Variants in SEMA3A observed in about 807,000 individuals in gnomAD.
The protein encoded by SEMA3A is semaphorin 3A, also known as semaphorin-3A.
SEMA3A carries 29 observed loss-of-function variants against 97.9 expected under a neutral mutation model. The observed-to-expected ratio is 0.30, with a 90% CI of 0.22 to 0.40. The LOEUF is 0.40. Ranked by LOEUF, SEMA3A falls within the 10% of genes least tolerant of loss-of-function variation. The pLI is 1.00. For synonymous variants in SEMA3A, 321 were observed against 323.7 expected (o/e 0.99, Z 0.09); for missense variants, 763 against 951.3 (o/e 0.80, Z 2.60).
In SEMA3A at chr7:84,111,702, G is replaced by A. The variant is rs116675873; in HGVS notation, c.334-1113C>T. On this transcript the variant is annotated intron_variant, in intron 3 of 16. Transcript: ENST00000265362. ...CTCATGCTTTCCTAACATATGCTGAGTACTTTGGGGGTAACTAAAATAAAC... is the reference window on the plus strand; with the variant it reads ...CTCATGCTTTCCTAACATATGCTGAATACTTTGGGGGTAACTAAAATAAAC... Among the ~76,000 whole-genome samples the A allele has an allele frequency of 8.2e-3, 1,243 of 152,206 alleles. 9 individuals are homozygous for A. The highest frequency in any genetic ancestry group is 0.027 in the Middle Eastern group (8 of 294).
intron 1 of SEMA3A, among the ~76,000 whole-genome samples, chr7:84,382,693 C>A (rs1485846408): frequency 1.2e-5 from 1 of 81,692 alleles, no homozygotes; most frequent in East Asian, 3.4e-4. Flanking sequence ...CCTGTCTCTA[C>A]TAAAAATCCA....
chr7:83,985,288 T>C (rs1789579610), intron 13 of SEMA3A, 148 bp downstream of exon 13: 1 of 570,504 alleles, frequency 1.8e-6, no homozygotes, highest in Admixed American at 3.4e-5. Context: ...TCTAATCTAC[T>C]AGCTTATTGT....
At chr7:84,290,178 T>C (rs375825798) in intron 3 of SEMA3A, among the ~76,000 whole-genome samples, 13 of 152,112 alleles carry the variant, frequency 8.5e-5, no homozygotes, top group East Asian at 5.8e-4. Context: ...TGATGATAAT[T>C]ATACCACCTT....
intron 1 of SEMA3A, among the ~76,000 whole-genome samples, chr7:84,170,388 A>C (rs932459587): frequency 2.0e-5 from 3 of 152,000 alleles, no homozygotes; most frequent in African/African-American, 7.2e-5. Flanking sequence ...TGACTTCGTA[A>C]ATGAGATTTG....
intron 2 of SEMA3A, among the ~76,000 whole-genome samples, chr7:84,357,063 T>G (rs900268650): frequency 2.6e-5 from 4 of 151,572 alleles, no homozygotes; most frequent in Admixed American, 6.6e-5. Flanking sequence ...CTAAATAAGT[T>G]GGCACATTTT....
intron 3 of SEMA3A, among the ~76,000 whole-genome samples, chr7:84,227,605 A>T (rs2116348646): frequency 6.6e-6 from 1 of 152,218 alleles, no homozygotes; most frequent in Non-Finnish European, 1.5e-5. Context: ...GTGTTTTCCC[A>T]ATAATTATGA....
At chr7:84,126,851 AAGTT>A (rs750585820) in intron 3 of SEMA3A, among the ~76,000 whole-genome samples, 6 of 152,164 alleles carry the variant, frequency 3.9e-5, no homozygotes, top group Non-Finnish European at 5.9e-5. Flanking sequence ...AGCCCAAAGA[AAGTT>A]AGCATACTTG....
intron 6 of SEMA3A, among the ~76,000 whole-genome samples, chr7:84,041,629 TACTC>T (rs1206751188): frequency 1.3e-5 from 2 of 152,118 alleles, no homozygotes; most frequent in East Asian, 1.9e-4. Context: ...ATACACTACT[TACTC>T]ATAGAATACA....
chr7:84,175,745 C>T (rs12539919), intron 1 of SEMA3A, among the ~76,000 whole-genome samples: 107,445 of 151,644 alleles, frequency 0.71, 38,900 homozygotes, highest in African/African-American at 0.86. Flanking sequence ...TTTTTTTTTC[C>T]CTGTCTGTTA....
intron 3 of SEMA3A, among the ~76,000 whole-genome samples, chr7:84,257,917 T>C (rs1040651400): frequency 3.9e-5 from 6 of 152,242 alleles, no homozygotes; most frequent in Admixed American, 2.6e-4. Context: ...TTTATTTCTA[T>C]ATTAGACATA....
intron 13 of SEMA3A, among the ~76,000 whole-genome samples, chr7:83,982,221 A>G (rs1260770032): frequency 6.6e-6 from 1 of 152,154 alleles, no homozygotes; most frequent in East Asian, 1.9e-4. Flanking sequence ...AGCTATTCAT[A>G]TAATTTTTCT....
chr7:84,015,592 G>A (rs1044865616), intron 6 of SEMA3A, among the ~76,000 whole-genome samples: 1 of 152,106 alleles, frequency 6.6e-6, no homozygotes. Context: ...TTATCCCTTA[G>A]TGTATTATTT....
chr7:84,198,093 T>TA (rs1312964992), upstream of SEMA3A, among the ~76,000 whole-genome samples: 3 of 152,200 alleles, frequency 2.0e-5, no homozygotes, highest in Non-Finnish European at 4.4e-5. Flanking sequence ...TTAGAAAACT[T>TA]ACTGTATTTG....
intron 12 of SEMA3A, among the ~76,000 whole-genome samples, chr7:83,999,283 T>TTTAAG (rs1350591541): frequency 6.6e-6 from 1 of 152,168 alleles, no homozygotes; most frequent in Non-Finnish European, 1.5e-5. Context: ...TTGACATCTT[T>TTTAAG]TTAAGTTAAA....
At chr7:84,223,435 A>C (rs1413082919) in intron 3 of SEMA3A, among the ~76,000 whole-genome samples, 2 of 151,886 alleles carry the variant, frequency 1.3e-5, no homozygotes, top group Non-Finnish European at 2.9e-5. Context: ...AGCCACTGAC[A>C]AAGTTCAAAT....
chr7:84,445,387 G>T (rs1267202737), intron 1 of SEMA3A, among the ~76,000 whole-genome samples: 3 of 150,108 alleles, frequency 2.0e-5, no homozygotes, highest in Non-Finnish European at 4.4e-5. Context: ...CCAGCTACTG[G>T]GGAGGTTGAG....
chr7:84,272,261 T>A (rs1800170733), intron 3 of SEMA3A, among the ~76,000 whole-genome samples: 2 of 152,046 alleles, frequency 1.3e-5, no homozygotes, highest in South Asian at 4.1e-4. Flanking sequence ...CTGGGGTAAT[T>A]TCATGTGCAC....
intron 3 of SEMA3A, among the ~76,000 whole-genome samples, chr7:84,125,558 T>G (rs1246015082): frequency 2.0e-5 from 3 of 152,200 alleles, no homozygotes; most frequent in African/African-American, 7.2e-5. Context: ...AGGTGGCTGA[T>G]GCAGGTGAAT....
chr7:84,353,341 T>G lies in SEMA3A; in HGVS notation c.-169+18483A>C, dbSNP rs1802479625. Among the ~76,000 whole-genome samples the G allele has an allele frequency of 2.0e-5, 3 of 151,768 alleles. No homozygotes were observed. The South Asian group carries it at 6.2e-4, about 31-fold the overall frequency. On this transcript the variant is annotated intron_variant, in intron 2 of 3. Transcript: ENST00000424555. ...TTTTATATATTCATACATACATAAA[T>G]ATGTATACCCATACACACACATCTT...
Sources: gnomAD v4.1 joint callset for allele counts (sites outside exome capture counted in the v4.1 genomes callset) on GRCh38, gnomAD v4.1.1 for gene constraint, MANE v1.5 for transcripts, NCBI Gene and HGNC (gene_info 2026-07-23, HGNC 2026-07-21) for gene names.